Variants in PCDHGB2 observed in about 807,000 individuals in gnomAD.
PCDHGB2 encodes the protein protocadherin gamma-B2.
A neutral mutation model predicts 59.3 loss-of-function variants in PCDHGB2; 55 were observed. The ratio of observed to expected loss-of-function variants is 0.93; its 90% CI spans 0.75 to 1.16. The LOEUF is 1.16. Among genes scored for constraint, PCDHGB2 ranks in the 50% most tolerant of loss-of-function variants. The pLI is 0.00. For synonymous variants in PCDHGB2, 516 were observed against 512.0 expected, an observed-to-expected ratio of 1.01 and a Z score of -0.11; for missense variants, 1,228 against 1,198.5, an observed-to-expected ratio of 1.02 and a Z score of -0.36.
intron 2 of PCDHGB2, among the ~76,000 whole-genome samples, chr5:141,500,176 A>G (rs922155744): frequency 1.4e-5 from 2 of 145,916 alleles, no homozygotes; most frequent in Admixed American, 1.4e-4. Flanking sequence ...CATGAGCTTC[A>G]TTTTTATTTT....
At chr5:141,457,432 C>G (rs982456249) in intron 1 of PCDHGB2, among the ~76,000 whole-genome samples, 1 of 152,172 alleles carries the variant, frequency 6.6e-6, no homozygotes, top group Non-Finnish European at 1.5e-5. Context: ...TCCCCCCCAC[C>G]AAGCTGCAGA....
At chr5:141,405,667 G>A (rs911046478) in intron 1 of PCDHGB2, among the ~76,000 whole-genome samples, 10 of 152,044 alleles carry the variant, frequency 6.6e-5, no homozygotes, top group Non-Finnish European at 7.4e-5. Flanking sequence ...TAGTAGAGAC[G>A]GGGTGTCACC....
At chr5:141,422,781 A>C (rs746943605) in intron 1 of PCDHGB2, 13 of 1,613,964 alleles carry the variant, frequency 8.1e-6, no homozygotes, top group African/African-American at 1.3e-5. Flanking sequence ...TCTATGCCCT[A>C]CAATCCTTCG....
intron 1 of PCDHGB2, among the ~76,000 whole-genome samples, chr5:141,433,449 T>C (rs2097611087): frequency 6.6e-6 from 1 of 152,068 alleles, no homozygotes; most frequent in Non-Finnish European, 1.5e-5. Context: ...TTGAGCAGGC[T>C]GATCTGAAAC....
At chr5:141,374,155 G>C in intron 1 of PCDHGB2, 1 of 1,612,144 alleles carries the variant, frequency 6.2e-7, no homozygotes, top group Non-Finnish European at 8.5e-7. Flanking sequence ...GGACGCTGTG[G>C]GGGGCCGCGG....
Position 141,387,739 on chromosome 5 carries a change from C to A in PCDHGB2, c.2421+25183C>A, listed in dbSNP as rs182945836. 5.0e-3 allele frequency: 6,618 copies of A among 1,328,550 alleles called. 35 individuals are homozygous for A. Among genetic ancestry groups the A allele is most frequent in the Admixed American group, 0.01 (369 of 36,562 alleles). The allele number at this position is 1,328,550 out of a possible 1,614,324, so 82.3% of individuals were successfully genotyped here. ...AGACTCCCCAGCGCCAGCCTTTACA[C>A]CGCTTCCTCCTCGGAAAAAGAAGAA... On this transcript the variant is annotated intron_variant, in intron 1 of 3. Transcript: ENST00000522605.
At chr5:141,403,157 A>G in intron 1 of PCDHGB2, 3 of 1,614,030 alleles carry the variant, frequency 1.9e-6, no homozygotes, top group Non-Finnish European at 8.5e-7. Context: ...CATCGTCTCT[A>G]GAGGTAGGAC....
At chr5:141,430,873 G>C (rs2097319709) in intron 1 of PCDHGB2, 1 of 1,598,842 alleles carries the variant, frequency 6.3e-7, no homozygotes, top group African/African-American at 1.3e-5. Flanking sequence ...TTCCGGAAGA[G>C]CTGGAGAAAG....
At chr5:141,447,642 T>G (rs1275164919) in intron 1 of PCDHGB2, among the ~76,000 whole-genome samples, 2 of 152,166 alleles carry the variant, frequency 1.3e-5, no homozygotes, top group Non-Finnish European at 2.9e-5. Flanking sequence ...TGAATGATGG[T>G]AGAATTTTCC....
intron 1 of PCDHGB2, chr5:141,393,362 G>C (rs1377325166): frequency 5.0e-6 from 8 of 1,613,978 alleles, no homozygotes; most frequent in Non-Finnish European, 6.8e-6. Context: ...TGGACGTGCA[G>C]ACTGGAGACA....
chr5:141,374,674 G>A, intron 1 of PCDHGB2: 1 of 1,610,698 alleles, frequency 6.2e-7, no homozygotes, highest in Non-Finnish European at 8.5e-7. Flanking sequence ...TGGTGCTGGA[G>A]GGCACACTGG....
Position 141,360,907 on chromosome 5 carries a change from G to T in PCDHGB2, c.772G>T (p.Gly258Cys). 1 of 1,613,998 alleles carries T rather than the reference G, an allele frequency of 6.2e-7. No individual in the cohort carries two copies. The highest frequency in any genetic ancestry group is 8.5e-7 in the Non-Finnish European group (1 of 1,179,898). ...CACCCTGAGGGAGGACGTGCCGCCG[G>T]GCTTCTTTGTGCTTCAAGTGACAGC... ...RVTLREDVPP[G>C]FFVLQVTATD... The change falls in exon 1 of 4, where the codon GGC becomes TGC. Residue 258 changes from glycine to cysteine, a missense_variant. Around this residue, in one of 3 missense-constraint regions of PCDHGB2, gnomAD observed 781 missense variants for 721.6 expected, o/e 1.08. Transcript: ENST00000522605.
At position 141,487,577 on chromosome 5, in the gene PCDHGB2, C is replaced by T; in HGVS notation, c.2422-7230C>T. 1 of 1,614,150 alleles carries T rather than the reference C, an allele frequency of 6.2e-7. No homozygotes were observed. Among genetic ancestry groups the T allele is most frequent in the Non-Finnish European group, 8.5e-7 (1 of 1,180,024 alleles). On this transcript the variant is annotated intron_variant, in intron 1 of 3. Transcript: ENST00000522605. This position sits in a 1 kb window ranked among gnomAD's most constrained non-coding sequence, Gnocchi z 5.0. ...ACCTATGGCAGGGGAGCCTGTTCGCCCAAGCTGCCCACCCTCTGATCTTCT... is the reference window on the plus strand; with the variant it reads ...ACCTATGGCAGGGGAGCCTGTTCGCTCAAGCTGCCCACCCTCTGATCTTCT...
At chr5:141,418,328 G>C in intron 1 of PCDHGB2, 1 of 1,614,002 alleles carries the variant, frequency 6.2e-7, no homozygotes. Flanking sequence ...TCTTGAGTCT[G>C]CAGAAGATCC....
rs761126985 is a variant in PCDHGB2 at position 141,431,245 on chromosome 5, C to G, written c.2422-63562C>G. ...TACCCCACGCCTGGGATCCGGATAT[C>G]GGGAAGAACTCTCTGCAGAGCTACG... is the stretch of plus-strand genomic sequence containing the variant. On this transcript the variant is annotated intron_variant, in intron 1 of 3. Transcript: ENST00000522605. This position sits in a 1 kb window ranked among gnomAD's most constrained non-coding sequence, Gnocchi z 4.8. 1.2e-6 allele frequency: 2 copies of G among 1,614,016 alleles called. No homozygotes were observed. Among genetic ancestry groups the G allele is most frequent in the Non-Finnish European group, 1.7e-6 (2 of 1,180,046 alleles).
rs779191558 is a variant in PCDHGB2 at position 141,491,465 on chromosome 5, A to G, written c.2422-3342A>G. On this transcript the variant is annotated intron_variant, in intron 1 of 3. Coordinates refer to ENST00000522605, the MANE Select transcript of PCDHGB2 (RefSeq NM_018923.3). This position sits in a 1 kb window ranked among gnomAD's most constrained non-coding sequence, Gnocchi z 6.9. The stretch of plus-strand genomic sequence containing the variant: ...CAGGACTCACCCTCCCCGGACTTCT[A>G]TAAGCAGTCCAGCCCCAACCTGCAG... 1.2e-6 allele frequency: 2 copies of G among 1,613,974 alleles called. No homozygotes were observed. The highest frequency in any genetic ancestry group is 1.1e-5 in the South Asian group (1 of 91,084).
At chr5:141,424,712 G>A (rs2096836283) in intron 1 of PCDHGB2, 1 of 152,126 alleles carries the variant, frequency 6.6e-6, no homozygotes, top group Non-Finnish European at 1.5e-5. Context: ...CATTTTCAGT[G>A]TAGTTGGGAG....
intron 1 of PCDHGB2, among the ~76,000 whole-genome samples, chr5:141,446,746 C>T (rs1413869259): frequency 6.6e-6 from 1 of 152,170 alleles, no homozygotes; most frequent in Non-Finnish European, 1.5e-5. Context: ...GGATTACAGG[C>T]GTGAGCCACC....
chr5:141,394,374 G>C, intron 1 of PCDHGB2: 6 of 1,614,172 alleles, frequency 3.7e-6, no homozygotes, highest in Non-Finnish European at 5.1e-6. Context: ...GCAATCTTTC[G>C]ACTATGAGCA....
Sources: gnomAD v4.1 joint callset for allele counts (sites outside exome capture counted in the v4.1 genomes callset) on GRCh38, gnomAD v4.1.1 for gene constraint, gnomAD v4.1.1 regional missense constraint, Gnocchi (gnomAD v3.1) non-coding constraint, MANE v1.5 for transcripts, NCBI Gene and HGNC (gene_info 2026-07-23, HGNC 2026-07-21) for gene names.